Variants in ATP6V1H observed in about 807,000 individuals in gnomAD.
ATP6V1H encodes the protein V-type proton ATPase subunit H.
ATP6V1H carries 39 observed loss-of-function variants against 71.7 expected under a neutral mutation model. That is an observed-to-expected ratio of 0.54 (90% CI 0.42 to 0.71). The LOEUF (loss-of-function observed/expected upper bound fraction) is 0.71, where lower values mean the gene tolerates loss of function less well. ATP6V1H is among the 30% of genes least tolerant of loss of function. The pLI is 0.00. For missense variants in ATP6V1H, 509 were observed against 594.9 expected (o/e 0.86, Z 1.50); for synonymous variants, 192 against 199.3 (o/e 0.96, Z 0.31).
chr8:53,774,201 C>T (rs981573936), intron 9 of ATP6V1H, among the ~76,000 whole-genome samples: 1 of 152,238 alleles, frequency 6.6e-6, no homozygotes, highest in African/African-American at 2.4e-5. Context: ...CATGCAAAGG[C>T]ATAGCATTGT....
intron 13 of ATP6V1H, among the ~76,000 whole-genome samples, chr8:53,742,935 C>A (rs1394844596): frequency 6.6e-6 from 1 of 152,208 alleles, no homozygotes; most frequent in South Asian, 2.1e-4. Context: ...GAACACCCAA[C>A]CTACAGCTAA....
intron 13 of ATP6V1H, among the ~76,000 whole-genome samples, chr8:53,741,877 G>A (rs532730796): frequency 5.3e-5 from 8 of 152,268 alleles, no homozygotes; most frequent in Non-Finnish European, 5.9e-5. Flanking sequence ...TTATCTCAAT[G>A]TTTATCATCT....
Position 53,839,821 on chromosome 8 carries a change from T to C in ATP6V1H, c.113+1757A>G, listed in dbSNP as rs1484166637. 8.1e-6 allele frequency: 8 copies of C among 985,324 alleles called. No individual in the cohort carries two copies. The African/African-American group carries it at 1.4e-4, about 17-fold the overall frequency. The allele number at this position is 985,324 out of a possible 1,614,324, so 61.0% of individuals were successfully genotyped here. The stretch of plus-strand genomic sequence containing the variant: ...GTTTTACATGCTAACTTCATATCAA[T>C]CATGGGCTTCACAGCTTAAAAATCA... On this transcript the variant is annotated intron_variant, in intron 2 of 13. Coordinates refer to ENST00000359530, the MANE Select transcript of ATP6V1H (RefSeq NM_015941.4).
intron 3 of ATP6V1H, chr8:53,832,775 A>G (rs1016748962): frequency 2.5e-6 from 1 of 398,624 alleles, no homozygotes; most frequent in Non-Finnish European, 4.4e-6. Flanking sequence ...CATACTCTGA[A>G]ACAGTAACTT....
intron 6 of ATP6V1H, among the ~76,000 whole-genome samples, chr8:53,813,514 C>G (rs1810352918): frequency 6.6e-6 from 1 of 152,184 alleles, no homozygotes; most frequent in East Asian, 1.9e-4. Context: ...CATTCCTCCT[C>G]TAGGTCACCC....
At chr8:53,822,332 G>A (rs1198766424) in intron 4 of ATP6V1H, among the ~76,000 whole-genome samples, 2 of 151,956 alleles carry the variant, frequency 1.3e-5, no homozygotes, top group Non-Finnish European at 2.9e-5. Context: ...GGGAACAAGT[G>A]TAGAATAATA....
At position 53,795,813 on chromosome 8, in the gene ATP6V1H, C is replaced by T; in HGVS notation, c.704G>A (p.Cys235Tyr). 6.2e-7 allele frequency: 1 copy of T among 1,611,992 alleles called. No individual in the cohort carries two copies. The highest frequency in any genetic ancestry group is 8.5e-7 in the Non-Finnish European group (1 of 1,179,334). The change falls in exon 9 of 14, where the codon TGT becomes TAT. Residue 235 changes from cysteine to tyrosine, a missense_variant. Cys to Tyr is a radical substitution (Grantham distance 194). This residue lies in a region of ATP6V1H where 297 missense variants were observed against 303.3 expected (regional missense o/e 0.98). Coordinates refer to ENST00000359530, the MANE Select transcript of ATP6V1H (RefSeq NM_015941.4). ...CATTTGATACTGGAGCTGAAAGCCA[C>T]ACTTGTTACTCAACACTCCCATTAT... Reference protein sequence around the residue: ...NCIMGVLSNKCGFQLQYQMIF... With the variant: ...NCIMGVLSNKYGFQLQYQMIF...
At chr8:53,778,015 T>G (rs189990719) in intron 9 of ATP6V1H, among the ~76,000 whole-genome samples, 2 of 152,326 alleles carry the variant, frequency 1.3e-5, no homozygotes, top group East Asian at 3.9e-4. Flanking sequence ...ATTGTAGGGC[T>G]TATAACATGT....
chr8:53,836,127 T>G (rs1471586603), intron 2 of ATP6V1H, among the ~76,000 whole-genome samples: 1 of 152,096 alleles, frequency 6.6e-6, no homozygotes, highest in Non-Finnish European at 1.5e-5. Context: ...TAGACTAAAA[T>G]AACAAGGTCA....
chr8:53,746,962 G>A (rs370560107), intron 12 of ATP6V1H, among the ~76,000 whole-genome samples: 1 of 152,054 alleles, frequency 6.6e-6, no homozygotes, highest in African/African-American at 2.4e-5. Flanking sequence ...TTAAGAACTT[G>A]GAATATTCTG....
intron 13 of ATP6V1H, among the ~76,000 whole-genome samples, chr8:53,723,031 C>A (rs1205626082): frequency 6.6e-6 from 1 of 152,156 alleles, no homozygotes; most frequent in East Asian, 1.9e-4. Flanking sequence ...CATTTTCCCA[C>A]AAGATATGCA....
intron 9 of ATP6V1H, among the ~76,000 whole-genome samples, chr8:53,790,180 T>C (rs939538313): frequency 2.6e-5 from 4 of 152,214 alleles, no homozygotes; most frequent in South Asian, 2.1e-4. Flanking sequence ...ACTTCTCTCT[T>C]AATTTTTAAA....
At chr8:53,741,871 C>G (rs1396999268) in intron 13 of ATP6V1H, among the ~76,000 whole-genome samples, 1 of 152,200 alleles carries the variant, frequency 6.6e-6, no homozygotes, top group Non-Finnish European at 1.5e-5. Flanking sequence ...TACTTCTTAT[C>G]TCAATGTTTA....
chr8:53,837,976 A>G (rs957177236), intron 2 of ATP6V1H, among the ~76,000 whole-genome samples: 9 of 152,102 alleles, frequency 5.9e-5, no homozygotes, highest in Non-Finnish European at 1.3e-4. Context: ...TGGCCTCCGA[A>G]GCTGGTAAAT....
intron 13 of ATP6V1H, among the ~76,000 whole-genome samples, chr8:53,726,568 A>G (rs564181910): frequency 6.6e-6 from 1 of 152,346 alleles, no homozygotes; most frequent in Admixed American, 6.5e-5. Context: ...CATTATTTGA[A>G]GAACAGAGAT....
At chr8:53,819,031 C>T (rs181502622) in intron 4 of ATP6V1H, among the ~76,000 whole-genome samples, 21 of 151,680 alleles carry the variant, frequency 1.4e-4, no homozygotes, top group Admixed American at 3.3e-4. Flanking sequence ...CATAGTGATA[C>T]CCCATCTCTA....
chr8:53,727,124 A>C (rs1806840021), intron 13 of ATP6V1H, among the ~76,000 whole-genome samples: 1 of 152,224 alleles, frequency 6.6e-6, no homozygotes, highest in Non-Finnish European at 1.5e-5. Context: ...AATGGTAGAC[A>C]GTCCCACCTG....
chr8:53,761,488 C>T (rs1322275481), intron 11 of ATP6V1H, among the ~76,000 whole-genome samples: 1 of 152,162 alleles, frequency 6.6e-6, no homozygotes, highest in Non-Finnish European at 1.5e-5. Context: ...TCAAAAGTCT[C>T]TTTAAGTGTA....
At chr8:53,833,129 T>C (rs1585838796) in intron 2 of ATP6V1H, 43 bp from the exon 3 acceptor site, 1 of 1,502,046 alleles carries the variant, frequency 6.7e-7, no homozygotes, top group Non-Finnish European at 9.2e-7. Flanking sequence ...AAGAGTTGAA[T>C]ATGTAAGCAA....
Sources: allele counts gnomAD v4.1 joint callset (sites outside exome capture counted in the v4.1 genomes callset), GRCh38; gene constraint gnomAD v4.1.1; regional missense constraint gnomAD v4.1.1; transcripts MANE v1.5; gene names NCBI Gene and HGNC (gene_info 2026-07-23, HGNC 2026-07-21).